The following RARB variants were observed in gnomAD, a reference collection of about 807,000 sequenced individuals.
RARB encodes the protein HBV-activated protein.
RARB carries 17 observed loss-of-function variants against 51.9 expected under a neutral mutation model. The ratio of observed to expected loss-of-function variants is 0.33; its 90% CI spans 0.22 to 0.49. RARB has a LOEUF of 0.49. Among genes scored for constraint, RARB ranks in the 20% least tolerant of loss-of-function variants. RARB has a pLI of 0.99. For missense variants in RARB, 369 were observed against 550.8 expected (o/e 0.67, Z 3.30); for synonymous variants, 215 against 195.4 (o/e 1.10, Z -0.84).
At chr3:25,591,334 C>T (rs1204117893) in intron 5 of RARB, among the ~76,000 whole-genome samples, 1 of 152,214 alleles carries the variant, frequency 6.6e-6, no homozygotes, top group African/African-American at 2.4e-5. Flanking sequence ...GCTCTGCACC[C>T]CTCTACAGCA....
intron 3 of RARB, among the ~76,000 whole-genome samples, chr3:25,504,541 G>T (rs1428618382): frequency 2.0e-5 from 3 of 152,118 alleles, no homozygotes; most frequent in Non-Finnish European, 4.4e-5. Flanking sequence ...AACCATGTGG[G>T]TGGGGAGTGT....
chr3:25,235,091 A>G (rs1273336108), intron 5 of RARB, among the ~76,000 whole-genome samples: 2 of 152,174 alleles, frequency 1.3e-5, no homozygotes, highest in East Asian at 3.8e-4. Flanking sequence ...CATGATCACT[A>G]CATTGTTCTC....
chr3:25,182,264 G>A (rs899887853), intron 5 of RARB, among the ~76,000 whole-genome samples: 1 of 152,182 alleles, frequency 6.6e-6, no homozygotes, highest in Non-Finnish European at 1.5e-5. Context: ...GAAAATAAAT[G>A]CTCTAGCTGT....
At chr3:25,056,102 G>A (rs923062970) in intron 2 of RARB, among the ~76,000 whole-genome samples, 7 of 152,138 alleles carry the variant, frequency 4.6e-5, no homozygotes, top group Admixed American at 3.3e-4. Context: ...AGCCCAATGT[G>A]CAGGGAGAGG....
At chr3:25,018,538 C>G (rs1697562846) in intron 2 of RARB, among the ~76,000 whole-genome samples, 1 of 152,164 alleles carries the variant, frequency 6.6e-6, no homozygotes, top group African/African-American at 2.4e-5. Flanking sequence ...GTGTTTCTCT[C>G]TTTGAAGGCT....
chr3:24,835,264 G>T (rs1009987111), intron 1 of RARB, among the ~76,000 whole-genome samples: 2 of 152,184 alleles, frequency 1.3e-5, no homozygotes, highest in Non-Finnish European at 2.9e-5. Context: ...AAAGATGGAA[G>T]AAAGAGAACT....
intron 4 of RARB, among the ~76,000 whole-genome samples, chr3:25,134,338 C>T (rs1432459214): frequency 6.6e-6 from 1 of 151,902 alleles, no homozygotes; most frequent in African/African-American, 2.4e-5. Context: ...ATAGTGAAGA[C>T]ACAGGTTCTA....
At chr3:25,205,580 G>A (rs1194396343) in intron 5 of RARB, among the ~76,000 whole-genome samples, 1 of 151,892 alleles carries the variant, frequency 6.6e-6, no homozygotes, top group Non-Finnish European at 1.5e-5. Flanking sequence ...CCACTGCAAT[G>A]TTTTTAACCC....
rs1875061 is a variant in RARB at position 25,134,856 on chromosome 3, C to T, written c.-280+2648C>T. Among the ~76,000 whole-genome samples, 537 of 152,104 alleles carry T rather than the reference C, an allele frequency of 3.5e-3. 7 individuals carry two copies. In the East Asian group the frequency reaches 0.044, roughly 12 times the overall value. On this transcript the variant is annotated intron_variant, in intron 4 of 11. Transcript: ENST00000383772. ...CCTCTACCTGGTCTAAATCGTGAAACGAGCATCACATCTCAGGCTTTCTTG... is the reference window on the plus strand; with the variant it reads ...CCTCTACCTGGTCTAAATCGTGAAATGAGCATCACATCTCAGGCTTTCTTG...
At chr3:24,840,790 A>C (rs1702411966) in intron 1 of RARB, among the ~76,000 whole-genome samples, 1 of 151,888 alleles carries the variant, frequency 6.6e-6, no homozygotes, top group Non-Finnish European at 1.5e-5. Context: ...TTGGAGCACA[A>C]ATGTAAAGAT....
At chr3:25,471,137 A>T (rs1268118426) in intron 2 of RARB, among the ~76,000 whole-genome samples, 1 of 152,232 alleles carries the variant, frequency 6.6e-6, no homozygotes, top group Non-Finnish European at 1.5e-5. Context: ...ACATTCATGT[A>T]AACATTCATG....
chr3:25,583,626 C>G (rs1227807029), intron 5 of RARB, among the ~76,000 whole-genome samples: 2 of 152,184 alleles, frequency 1.3e-5, no homozygotes, highest in African/African-American at 2.4e-5. Flanking sequence ...ATAATACAGG[C>G]AGATGGGGAT....
At chr3:25,020,078 A>C (rs1697595726) in intron 2 of RARB, 1 of 151,128 alleles carries the variant, frequency 6.6e-6, no homozygotes, top group South Asian at 2.1e-4. Context: ...CTCAGAATAA[A>C]AGGTACAGAT....
rs1701852314 is a variant in RARB at position 25,596,746 on chromosome 3, A to C, written c.*130A>C. 6 of 781,158 alleles carry C rather than the reference A, an allele frequency of 7.7e-6. No individual in the cohort carries two copies. Among genetic ancestry groups the C allele is most frequent in the African/African-American group, 5.2e-5 (3 of 57,156 alleles). The allele number at this position is 781,158 out of a possible 1,614,324, so 48.4% of individuals were successfully genotyped here. ...TATTAAAACTCAAGAAGGACCAAGA[A>C]GTTTTCATATGTATCAATATATATA... On this transcript the variant is annotated 3_prime_UTR_variant, in exon 8 of 8. Coordinates refer to ENST00000330688, the MANE Select transcript of RARB (RefSeq NM_000965.5).
chr3:25,155,348 A>G (rs1222407816), intron 4 of RARB, among the ~76,000 whole-genome samples: 3 of 152,170 alleles, frequency 2.0e-5, no homozygotes, highest in Non-Finnish European at 4.4e-5. Flanking sequence ...TGTAGCAGTC[A>G]CTATTCCCTT....
At chr3:25,248,433 A>G (rs1471411073) in intron 5 of RARB, among the ~76,000 whole-genome samples, 1 of 152,054 alleles carries the variant, frequency 6.6e-6, no homozygotes, top group East Asian at 1.9e-4. Context: ...GTTATTTTGA[A>G]TATTCTTTGT....
intron 5 of RARB, among the ~76,000 whole-genome samples, chr3:25,270,418 CTAAAG>C (rs1703231616): frequency 6.6e-6 from 1 of 151,930 alleles, no homozygotes; most frequent in African/African-American, 2.4e-5. Flanking sequence ...TATGAGGTAC[CTAAAG>C]TAGTCAAATT....
At chr3:24,946,478 C>T (rs1291401197) in intron 2 of RARB, among the ~76,000 whole-genome samples, 4 of 151,716 alleles carry the variant, frequency 2.6e-5, no homozygotes, top group African/African-American at 9.7e-5. Context: ...AAATGTCTTG[C>T]AAATATGGTT....
intron 4 of RARB, among the ~76,000 whole-genome samples, chr3:25,141,859 G>A (rs760683961): frequency 6.1e-4 from 93 of 152,048 alleles, no homozygotes; most frequent in Non-Finnish European, 1.1e-3. Flanking sequence ...GCAGCATAAC[G>A]GCATGAAAAT....
Sources: gnomAD v4.1 joint callset for allele counts (sites outside exome capture counted in the v4.1 genomes callset) on GRCh38, gnomAD v4.1.1 for gene constraint, MANE v1.5 for transcripts, NCBI Gene and HGNC (gene_info 2026-07-23, HGNC 2026-07-21) for gene names.